Variants in MTA1 observed in about 807,000 individuals in gnomAD.
MTA1 encodes the protein metastasis-associated protein MTA1.
Under a neutral mutation model 97.0 loss-of-function variants are expected in MTA1, and 15 were observed. That is an observed-to-expected ratio of 0.15 (90% CI 0.10 to 0.24). The LOEUF is 0.24. Among genes scored for constraint, MTA1 ranks in the 10% least tolerant of loss-of-function variants. MTA1 has a pLI of 1.00. For synonymous variants in MTA1, 435 were observed against 417.5 expected, an observed-to-expected ratio of 1.04 and a Z score of -0.51; for missense variants, 709 against 1,015.1, an observed-to-expected ratio of 0.70 and a Z score of 4.10.
chr14:105,441,199 G>C (rs1233708496), intron 2 of MTA1, among the ~76,000 whole-genome samples: 1 of 152,218 alleles, frequency 6.6e-6, no homozygotes, highest in African/African-American at 2.4e-5. Context: ...ACCCAGGCCA[G>C]CACAGTTCGT....
At chr14:105,450,992 CG>C (rs1399123118) in intron 6 of MTA1, among the ~76,000 whole-genome samples, 1 of 152,152 alleles carries the variant, frequency 6.6e-6, no homozygotes, top group Non-Finnish European at 1.5e-5. Context: ...GTCACAGTTG[CG>C]GGGCACACCT....
At chr14:105,441,795 A>G (rs1726606015) in intron 2 of MTA1, among the ~76,000 whole-genome samples, 1 of 152,190 alleles carries the variant, frequency 6.6e-6, no homozygotes, top group African/African-American at 2.4e-5. Context: ...CTCTGTCTCA[A>G]AAAAATAAAA....
intron 7 of MTA1, among the ~76,000 whole-genome samples, chr14:105,456,954 C>T (rs55658963): frequency 4.3e-4 from 65 of 152,304 alleles, no homozygotes; most frequent in Middle Eastern, 3.4e-3. Context: ...GGATGTCCGG[C>T]CCTTGGGGCA....
rs587737011 is a variant in MTA1 at position 105,422,137 on chromosome 14, C to T, written c.28+2074C>T. On this transcript the variant is annotated intron_variant, in intron 1 of 20. Coordinates refer to ENST00000331320, the MANE Select transcript of MTA1 (RefSeq NM_004689.4). The surrounding 1 kb of genome is among the most constrained non-coding windows in gnomAD (Gnocchi z 4.3). ...TGTCAGGCCCCCCACGTGCCCGCCC[C>T]GAGGACTTCCTCTCCCTGCAGGTGA... Among the ~76,000 whole-genome samples the T allele has an allele frequency of 1.3e-5, 2 of 152,310 alleles. No individual in the cohort carries two copies. The highest frequency in any genetic ancestry group is 2.4e-5 in the African/African-American group (1 of 41,568).
Position 105,438,755 on chromosome 14 carries a change from G to A in MTA1, c.96+16G>A, listed in dbSNP as rs2141478003. The A allele has an allele frequency of 1.2e-6, 2 of 1,612,150 alleles. No homozygotes were observed. Among genetic ancestry groups the A allele is most frequent in the Non-Finnish European group, 1.7e-6 (2 of 1,179,700 alleles). On this transcript the variant is annotated intron_variant, in intron 2 of 20. Transcript: ENST00000331320. ...GCTCAACAAGGTACTGGGGGGCCCT[G>A]GTGTTGCTGCAGGGGGGTAGTGGGT...
intron 14 of MTA1, 44 bp from the exon 15 acceptor site, chr14:105,464,630 C>T (rs1555432046): frequency 1.2e-6 from 2 of 1,608,544 alleles, no homozygotes; most frequent in Non-Finnish European, 1.7e-6. Context: ...TCCTCGGCCC[C>T]CGGTCATGGC....
intron 2 of MTA1, among the ~76,000 whole-genome samples, chr14:105,439,732 C>T (rs2082446032): frequency 6.6e-6 from 1 of 152,112 alleles, no homozygotes; most frequent in African/African-American, 2.4e-5. Flanking sequence ...GGCTCCTGAG[C>T]CCCCGATCCC....
At chr14:105,447,320 T>C (rs1473635347) in intron 3 of MTA1, among the ~76,000 whole-genome samples, 1 of 152,134 alleles carries the variant, frequency 6.6e-6, no homozygotes, top group East Asian at 1.9e-4. Context: ...GAGTTGGGCA[T>C]GTTTATGGCT....
rs1437478888 is a variant in MTA1, at chr14:105,463,372, G to C, written c.1017+114G>C. ...CAGCAGGAGGGGAAGGAAGACTCCT[G>C]AGTCCCTGGCCCGGCTGTCCTCTCC... On this transcript the variant is annotated intron_variant, in intron 11 of 20. Coordinates refer to ENST00000331320, the MANE Select transcript of MTA1 (RefSeq NM_004689.4). The surrounding 1 kb of genome is among the most constrained non-coding windows in gnomAD (Gnocchi z 5.9). 1.3e-6 allele frequency: 2 copies of C among 1,500,642 alleles called. No individual in the cohort carries two copies. Among genetic ancestry groups the C allele is most frequent in the Non-Finnish European group, 1.8e-6 (2 of 1,081,598 alleles). 93.0% of individuals were successfully genotyped at this position (1,500,642 alleles called of 1,614,324 possible). A position where few individuals can be genotyped will look rare whatever the true frequency, so the allele number is the denominator to read the frequency against.
At position 105,419,943 on chromosome 14, in the gene MTA1, C is replaced by T. The variant is rs2081767639; in HGVS notation, c.-93C>T. The T allele has an allele frequency of 1.1e-5, 5 of 439,202 alleles. No homozygotes were observed. The highest frequency in any genetic ancestry group is 1.2e-5 in the Non-Finnish European group (4 of 331,722). The allele number at this position is 439,202 out of a possible 1,614,324, so 27.2% of individuals were successfully genotyped here. On this transcript the variant is annotated 5_prime_UTR_variant, in exon 1 of 21. Coordinates refer to ENST00000331320, the MANE Select transcript of MTA1 (RefSeq NM_004689.4). ...GCGGCCCCTTTAAACGCCTGCGGCG[C>T]CCCCCGCCCCCGCCATCGCGCCTCC...
At chr14:105,439,635 G>A (rs782205326) in intron 2 of MTA1, among the ~76,000 whole-genome samples, 31 of 152,162 alleles carry the variant, frequency 2.0e-4, no homozygotes, top group South Asian at 8.3e-4. Flanking sequence ...GGGAGGGCAG[G>A]TTGTCCCCAC....
chr14:105,438,809 G>A, intron 2 of MTA1, 70 bp downstream of exon 2: 2 of 1,537,404 alleles, frequency 1.3e-6, no homozygotes, highest in Non-Finnish European at 1.8e-6. Flanking sequence ...TGCCCTGTGG[G>A]TGGCCAGTGT....
chr14:105,438,880 C>T (rs1337944200), intron 2 of MTA1, 141 bp downstream of exon 2: 17 of 787,828 alleles, frequency 2.2e-5, no homozygotes, highest in South Asian at 1.5e-4. Context: ...TCAGTGACTC[C>T]GTCCACTGTC....
intron 16 of MTA1, chr14:105,466,060 C>T (rs2083567780): frequency 1.2e-5 from 3 of 246,722 alleles, no homozygotes; most frequent in Non-Finnish European, 2.4e-5. Flanking sequence ...AGCCAGCCCT[C>T]CACCAGCAGC....
At chr14:105,467,000 G>A (rs2083620089) in intron 18 of MTA1, 7 of 563,606 alleles carry the variant, frequency 1.2e-5, no homozygotes, top group Non-Finnish European at 2.2e-5. Flanking sequence ...TGTGGCCCTG[G>A]CGCCCCTGCC....
At chr14:105,468,603 T>G (rs1555433476) in intron 18 of MTA1, among the ~76,000 whole-genome samples, 1 of 152,166 alleles carries the variant, frequency 6.6e-6, no homozygotes, top group African/African-American at 2.4e-5. Context: ...ACAGGCTGCT[T>G]CTGTTCCTTA....
intron 1 of MTA1, among the ~76,000 whole-genome samples, chr14:105,429,961 T>C (rs2082131873): frequency 6.6e-6 from 1 of 151,642 alleles, no homozygotes; most frequent in Non-Finnish European, 1.5e-5. Flanking sequence ...TTCACCATGT[T>C]GGCCAGGCTG....
At chr14:105,445,623 C>A in intron 3 of MTA1, 112 bp downstream of exon 3, 2 of 1,031,772 alleles carry the variant, frequency 1.9e-6, no homozygotes, top group Non-Finnish European at 3.0e-6. Flanking sequence ...TGGGGCCACC[C>A]TCTGCCCAAC....
rs914123302 is a variant in MTA1 at position 105,437,462 on chromosome 14, C to T, written c.29-1210C>T. 4.0e-5 allele frequency among the ~76,000 whole-genome samples: 6 copies of T among 149,188 alleles called. No individual in the cohort carries two copies. In the East Asian group the frequency reaches 9.8e-4, roughly 24 times the overall value. On this transcript the variant is annotated intron_variant, in intron 1 of 20. Coordinates refer to ENST00000331320, the MANE Select transcript of MTA1 (RefSeq NM_004689.4). The stretch of plus-strand genomic sequence containing the variant: ...CCTCACGGGCATGAGCCTGCAGGTG[C>T]GTCCTCATGGGTGTGTCCTCACGGG...
Sources: gnomAD v4.1 joint callset for allele counts (sites outside exome capture counted in the v4.1 genomes callset) on GRCh38, gnomAD v4.1.1 for gene constraint, Gnocchi (gnomAD v3.1) non-coding constraint, MANE v1.5 for transcripts, NCBI Gene and HGNC (gene_info 2026-07-23, HGNC 2026-07-21) for gene names.